SLC35H1: variants seen among roughly 807,000 people sequenced by gnomAD.
The protein encoded by SLC35H1 is ovarian cancer-overexpressed gene 1 protein.
At chr20:46,353,473 G>C in the SLC35H1 span, among the ~76,000 whole-genome samples, 1 of 152,332 alleles carries the variant, frequency 6.6e-6, no homozygotes, top group South Asian at 2.1e-4. Flanking sequence ...AGAGACAACT[G>C]TGGTAGCTGG....
At chr20:46,362,776 TTTG>T in the SLC35H1 span, among the ~76,000 whole-genome samples, 2 of 152,010 alleles carry the variant, frequency 1.3e-5, no homozygotes, top group East Asian at 1.9e-4. Flanking sequence ...CTCTATTCTT[TTTG>T]TTGTTGTTGT....
At chr20:46,355,874 C>A in the SLC35H1 span, 3 of 1,613,910 alleles carry the variant, frequency 1.9e-6, no homozygotes, top group Non-Finnish European at 2.5e-6. This position sits in a 1 kb window ranked among gnomAD's most constrained non-coding sequence, Gnocchi z 4.8. Context: ...TCATTGTGTA[C>A]CTGGAAGCAA....
chr20:46,350,290 T>C, the SLC35H1 span: 1 of 1,425,642 alleles, frequency 7.0e-7, no homozygotes, highest in Admixed American at 2.3e-5. Context: ...GTGACTCCCG[T>C]CCACAGCTCC....
the SLC35H1 span, chr20:46,358,334 T>C: frequency 2.6e-6 from 4 of 1,517,978 alleles, no homozygotes; most frequent in Non-Finnish European, 3.7e-6. Context: ...ACCGTAGCCA[T>C]GGCTCTGGCC....
chr20:46,356,656 C>G, the SLC35H1 span: 1 of 1,612,182 alleles, frequency 6.2e-7, no homozygotes, highest in Non-Finnish European at 8.5e-7. Context: ...ACACAGGCAC[C>G]CACAGGACAG....
the SLC35H1 span, among the ~76,000 whole-genome samples, chr20:46,359,192 T>C: frequency 6.6e-6 from 1 of 152,200 alleles, no homozygotes; most frequent in Non-Finnish European, 1.5e-5. Context: ...GAACGAACAC[T>C]GCACCCACCC....
At chr20:46,356,979 C>T in the SLC35H1 span, among the ~76,000 whole-genome samples, 15 of 146,678 alleles carry the variant, frequency 1.0e-4, no homozygotes, top group Middle Eastern at 3.5e-3. Flanking sequence ...AACTCCTCCA[C>T]GGGGAATCCG....
chr20:46,357,854 C>T, the SLC35H1 span: 2 of 1,520,722 alleles, frequency 1.3e-6, no homozygotes, highest in Admixed American at 3.6e-5. Context: ...CTTCGCCCCT[C>T]TGCTGGAGTG....
At chr20:46,355,185 G>T in the SLC35H1 span, 11 of 1,613,972 alleles carry the variant, frequency 6.8e-6, no homozygotes, top group Non-Finnish European at 9.3e-6. The surrounding 1 kb of genome is among the most constrained non-coding windows in gnomAD (Gnocchi z 4.8). Flanking sequence ...TGGACTTGTA[G>T]GTGAACATGA....
At chr20:46,350,164 G>A in the SLC35H1 span, 7 of 380,130 alleles carry the variant, frequency 1.8e-5, no homozygotes, top group East Asian at 1.6e-4. Flanking sequence ...CGATTCCAGC[G>A]CAGCTTGGGC....
the SLC35H1 span, chr20:46,350,492 C>T: frequency 2.5e-6 from 4 of 1,611,944 alleles, no homozygotes; most frequent in South Asian, 1.1e-5. Flanking sequence ...GGGCTGGAGC[C>T]CAGCCCCTTC....
the SLC35H1 span, chr20:46,352,408 T>C: frequency 1.6e-6 from 1 of 606,842 alleles, no homozygotes; most frequent in Non-Finnish European, 2.8e-6. Flanking sequence ...GCCTGAGACC[T>C]GGGGAAACCA....
At chr20:46,357,496 AGAG>A in the SLC35H1 span, 1 of 1,161,150 alleles carries the variant, frequency 8.6e-7, no homozygotes, top group Non-Finnish European at 1.2e-6. Context: ...TCAAGAGGGC[AGAG>A]GAGGAACAGT....
chr20:46,359,673 C>T, the SLC35H1 span, among the ~76,000 whole-genome samples: 2 of 152,204 alleles, frequency 1.3e-5, no homozygotes, highest in African/African-American at 2.4e-5. Context: ...GATGAGTGCC[C>T]GGAGCATGCC....
chr20:46,355,201 C>A, the SLC35H1 span: 8 of 1,613,944 alleles, frequency 5.0e-6, no homozygotes, highest in Non-Finnish European at 6.8e-6. The surrounding 1 kb of genome is among the most constrained non-coding windows in gnomAD (Gnocchi z 4.8). Context: ...CATGAAGAGA[C>A]CCCCGGCGAT....
the SLC35H1 span, chr20:46,347,147 A>G: frequency 3.3e-5 from 5 of 152,230 alleles, no homozygotes; most frequent in African/African-American, 1.2e-4. Flanking sequence ...TGTAGAGACA[A>G]GGAAACAGGC....
chr20:46,348,232 G>A, the SLC35H1 span: 1 of 152,206 alleles, frequency 6.6e-6, no homozygotes, highest in Non-Finnish European at 1.5e-5. Flanking sequence ...CTAAATGAAG[G>A]GCTGTCATTG....
At chr20:46,355,064 C>T in the SLC35H1 span, 917 of 1,613,942 alleles carry the variant, frequency 5.7e-4, 8 homozygotes, top group Middle Eastern at 4.5e-3. This position sits in a 1 kb window ranked among gnomAD's most constrained non-coding sequence, Gnocchi z 4.8. Context: ...ATGAGTGGCA[C>T]GTGCTCACCG....
At chr20:46,358,619 C>T in the SLC35H1 span, 4 of 1,573,968 alleles carry the variant, frequency 2.5e-6, no homozygotes, top group Non-Finnish European at 2.6e-6. Flanking sequence ...CCAAGAACGT[C>T]TCCAGGCTGG....
Sources: gnomAD v4.1 joint callset for allele counts (sites outside exome capture counted in the v4.1 genomes callset) on GRCh38, gnomAD v4.1.1 for gene constraint, Gnocchi (gnomAD v3.1) non-coding constraint, MANE v1.5 for transcripts, NCBI Gene and HGNC (gene_info 2026-07-23, HGNC 2026-07-21) for gene names.